USP21: variants seen among roughly 807,000 people sequenced by gnomAD.
The protein encoded by USP21 is ubiquitin specific peptidase 21, also known as ubiquitin carboxyl-terminal hydrolase 21.
A neutral mutation model predicts 70.8 loss-of-function variants in USP21; 37 were observed. The observed-to-expected ratio is 0.52, with a 90% CI of 0.40 to 0.69. The LOEUF is 0.69. Ranked by LOEUF, USP21 falls within the 30% of genes least tolerant of loss-of-function variation. The pLI, the probability that USP21 is intolerant of heterozygous loss-of-function variation, is 0.00. For missense variants in USP21, 584 were observed against 740.8 expected, an observed-to-expected ratio of 0.79 and a Z score of 2.46; for synonymous variants, 263 against 283.1, an observed-to-expected ratio of 0.93 and a Z score of 0.71.
intron 1 of USP21, among the ~76,000 whole-genome samples, chr1:161,160,038 A>G (rs1168979906): frequency 1.3e-5 from 2 of 152,060 alleles, no homozygotes; most frequent in Non-Finnish European, 2.9e-5. Context: ...ATCGTAAGTC[A>G]CCCATATAGT....
Position 161,161,735 on chromosome 1 carries a change from G to A in USP21, c.601-303G>A, listed in dbSNP as rs1165174642. On this transcript the variant is annotated intron_variant, in intron 3 of 13. Coordinates refer to ENST00000368002, the MANE Select transcript of USP21 (RefSeq NM_001014443.3). This position sits in a 1 kb window ranked among gnomAD's most constrained non-coding sequence, Gnocchi z 4.2. ...AGAAAGGTGGGAGTGGTGAGCAGCT[G>A]GGCAACCATGCCGGTGCTGGGGGAG... 2 of 495,872 alleles carry A rather than the reference G, an allele frequency of 4.0e-6. No individual in the cohort carries two copies. Among genetic ancestry groups the A allele is most frequent in the African/African-American group, 1.9e-5 (1 of 51,824 alleles). 30.7% of individuals were successfully genotyped at this position (495,872 alleles called of 1,614,324 possible). A position where few individuals can be genotyped will look rare whatever the true frequency, so the allele number is the denominator to read the frequency against.
chr1:161,163,216 A>G, intron 7 of USP21, 142 bp downstream of exon 7: 1 of 1,094,368 alleles, frequency 9.1e-7, no homozygotes, highest in Non-Finnish European at 1.3e-6. Flanking sequence ...GCAACATAGA[A>G]GTAGAAGGAA....
chr1:161,161,533 C>CTTGCT lies in USP21; in HGVS notation c.600+294_600+295insTGCTT, dbSNP rs1219608117. On this transcript the variant is annotated intron_variant, in intron 3 of 13. Coordinates refer to ENST00000368002, the MANE Select transcript of USP21 (RefSeq NM_001014443.3). The surrounding 1 kb of genome is among the most constrained non-coding windows in gnomAD (Gnocchi z 4.2). ...TTCCTTTCCCTTGCTTGCACCTTCTCTACTGGGACTCTGCCTAGGCCTAAT... is the reference window on the plus strand; with the variant it reads ...TTCCTTTCCCTTGCTTGCACCTTCTCTTGCTTACTGGGACTCTGCCTAGGCCTAAT... 2.3e-6 allele frequency: 1 copy of CTTGCT among 442,210 alleles called. No homozygotes were observed. The highest frequency in any genetic ancestry group is 4.1e-6 in the Non-Finnish European group (1 of 246,778). The allele number at this position is 442,210 out of a possible 1,614,324, so 27.4% of individuals were successfully genotyped here. A position where few individuals can be genotyped will look rare whatever the true frequency, so the allele number is the denominator to read the frequency against.
In USP21 at chr1:161,162,992, C is replaced by T. The variant is rs114213404; in HGVS notation, c.967C>T (p.Arg323Trp). Residue 323 changes from arginine to tryptophan, a missense_variant, in exon 7 of 14, where the codon CGG (arginine) becomes TGG (tryptophan). Arg to Trp is a moderately radical substitution (Grantham distance 101). Around this residue, in one of 4 missense-constraint regions of USP21, gnomAD observed 87 missense variants for 162.4 expected, o/e 0.54. Coordinates refer to ENST00000368002, the MANE Select transcript of USP21 (RefSeq NM_001014443.3). This position sits in a 1 kb window ranked among gnomAD's most constrained non-coding sequence, Gnocchi z 4.1. The part of the protein sequence containing the change: ...LHLEINRRGR[R>W]APPILANGPV... ...CCTTGAAATCAACCGCCGAGGCCGC[C>T]GGGCTCCACCGATACTTGCCAATGG... is the stretch of plus-strand genomic sequence containing the variant. 81 of 1,613,868 alleles carry T rather than the reference C, an allele frequency of 5.0e-5. 1 individual carries two copies. The highest frequency in any genetic ancestry group is 3.3e-5 in the Non-Finnish European group (39 of 1,179,960).
chr1:161,160,884 C>G lies in USP21; in HGVS notation c.244C>G (p.Leu82Val). 6.2e-7 allele frequency: 1 copy of G among 1,614,268 alleles called. No homozygotes were observed. The highest frequency in any genetic ancestry group is 1.3e-5 in the African/African-American group (1 of 75,070). ...RTSGPRPRGPLRADHGVPLPG... is the reference protein window; with the variant it reads ...RTSGPRPRGPVRADHGVPLPG... ...CTCAGGCCCTCGTCCCAGAGGCCCC[C>G]TTCGAGCAGATCATGGGGTTCCCCT... Residue 82 changes from leucine to valine, a missense_variant, in exon 3 of 14, where the codon CTT becomes GTT. Leu to Val is a conservative substitution (Grantham distance 32, BLOSUM62 1). This residue lies in a region of USP21 where 284 missense variants were observed against 281.0 expected (regional missense o/e 1.01). Coordinates refer to ENST00000368002, the MANE Select transcript of USP21 (RefSeq NM_001014443.3).
chr1:161,162,864 A>T lies in USP21; in HGVS notation c.894-55A>T. On this transcript the variant is annotated intron_variant, in intron 6 of 13. Coordinates refer to ENST00000368002, the MANE Select transcript of USP21 (RefSeq NM_001014443.3). This position sits in a 1 kb window ranked among gnomAD's most constrained non-coding sequence, Gnocchi z 4.1. ...GGGGACCAATATCTGGGCAGGGAAT[A>T]GTGTCTGTGGACTAGGAGAGGAGTC... The T allele has an allele frequency of 6.3e-7, 1 of 1,595,888 alleles. No homozygotes were observed. Among genetic ancestry groups the T allele is most frequent in the Non-Finnish European group, 8.6e-7 (1 of 1,167,500 alleles).
chr1:161,161,842 G>C lies in USP21; in HGVS notation c.601-196G>C. 1.6e-6 allele frequency: 1 copy of C among 621,128 alleles called. No homozygotes were observed. Among genetic ancestry groups the C allele is most frequent in the Non-Finnish European group, 2.9e-6 (1 of 344,148 alleles). 38.5% of individuals were successfully genotyped at this position (621,128 alleles called of 1,614,324 possible). A position where few individuals can be genotyped will look rare whatever the true frequency, so the allele number is the denominator to read the frequency against. The stretch of plus-strand genomic sequence containing the variant: ...TGGGACAGCCATGGCTGAGTCCGTG[G>C]TACATTCAGCTGTGATGGGCTTACT... On this transcript the variant is annotated intron_variant, in intron 3 of 13. Coordinates refer to ENST00000368002, the MANE Select transcript of USP21 (RefSeq NM_001014443.3). The surrounding 1 kb of genome is among the most constrained non-coding windows in gnomAD (Gnocchi z 4.2).
chr1:161,165,227 G>C (rs1658515196), intron 13 of USP21, 84 bp downstream of exon 13: 16 of 1,455,754 alleles, frequency 1.1e-5, no homozygotes, highest in South Asian at 6.9e-5. Flanking sequence ...CAGGAGAGCA[G>C]AGTGCCAGGT....
Position 161,160,515 on chromosome 1 carries a change from TG to T in USP21, c.-22+13del. ...GGACAGCAAGATTGTGGGTATGGAA[TG>T]GGGCAAAGCAATAAGGGAAAATTAG... On this transcript the variant is annotated intron_variant, in intron 2 of 13. Coordinates refer to ENST00000368002, the MANE Select transcript of USP21 (RefSeq NM_001014443.3). 1 of 1,210,030 alleles carries T rather than the reference TG, an allele frequency of 8.3e-7. No individual in the cohort carries two copies. The highest frequency in any genetic ancestry group is 1.2e-6 in the Non-Finnish European group (1 of 846,566). 75.0% of individuals were successfully genotyped at this position (1,210,030 alleles called of 1,614,324 possible).
At position 161,164,986 on chromosome 1, in the gene USP21, G is replaced by T; in HGVS notation, c.1493-43G>T. ...GTCCTAAGGAGCCAAAGGAGTGGGG[G>T]CACAGCTCTGATTATAGAACTTGAT... is the stretch of plus-strand genomic sequence containing the variant. On this transcript the variant is annotated intron_variant, in intron 12 of 13. Transcript: ENST00000368002. The surrounding 1 kb of genome is among the most constrained non-coding windows in gnomAD (Gnocchi z 4.2). 1.9e-6 allele frequency: 3 copies of T among 1,612,782 alleles called. No individual in the cohort carries two copies. The highest frequency in any genetic ancestry group is 2.5e-6 in the Non-Finnish European group (3 of 1,178,898).
In USP21 at chr1:161,161,704, G is replaced by A; in HGVS notation, c.601-334G>A. On this transcript the variant is annotated intron_variant, in intron 3 of 13. Transcript: ENST00000368002. The surrounding 1 kb of genome is among the most constrained non-coding windows in gnomAD (Gnocchi z 4.2). Reference sequence around the variant, plus strand: ...GGCCACGGGGGCAGGAGGGGGTTTTGGGGGCAGAAAGGTGGGAGTGGTGAG... The same window carrying A: ...GGCCACGGGGGCAGGAGGGGGTTTTAGGGGCAGAAAGGTGGGAGTGGTGAG... 2.2e-6 allele frequency: 1 copy of A among 449,492 alleles called. No homozygotes were observed. Among genetic ancestry groups the A allele is most frequent in the South Asian group, 3.0e-5 (1 of 33,164 alleles). The allele number at this position is 449,492 out of a possible 1,614,324, so 27.8% of individuals were successfully genotyped here.
rs3813617 is a variant in USP21, at chr1:161,161,784, G to A, written c.601-254G>A. 456 of 534,718 alleles carry A rather than the reference G, an allele frequency of 8.5e-4. 3 individuals are homozygous for A. In the East Asian group the frequency reaches 0.013, roughly 16 times the overall value. 33.1% of individuals were successfully genotyped at this position (534,718 alleles called of 1,614,324 possible). A position where few individuals can be genotyped will look rare whatever the true frequency, so the allele number is the denominator to read the frequency against. On this transcript the variant is annotated intron_variant, in intron 3 of 13. Transcript: ENST00000368002. This position sits in a 1 kb window ranked among gnomAD's most constrained non-coding sequence, Gnocchi z 4.2. Reference sequence around the variant, plus strand: ...AGTTGCCCCAGGAGCTGCAACGTCAGCTAGCTGAGCAGAGGAGTAAGTGGG... The same window carrying A: ...AGTTGCCCCAGGAGCTGCAACGTCAACTAGCTGAGCAGAGGAGTAAGTGGG...
Position 161,162,788 on chromosome 1 carries a change from G to T in USP21, c.893+62G>T. ...CATGTCTGGGGGTAGGGCCAAGCAA[G>T]GGCCCTGGCAGCATTGTTCTGAGCC... is the stretch of plus-strand genomic sequence containing the variant. On this transcript the variant is annotated intron_variant, in intron 6 of 13. Coordinates refer to ENST00000368002, the MANE Select transcript of USP21 (RefSeq NM_001014443.3). The surrounding 1 kb of genome is among the most constrained non-coding windows in gnomAD (Gnocchi z 4.1). 1 of 1,565,580 alleles carries T rather than the reference G, an allele frequency of 6.4e-7. No individual in the cohort carries two copies. The highest frequency in any genetic ancestry group is 1.1e-5 in the South Asian group (1 of 89,934).
chr1:161,160,536 A>G, intron 2 of USP21, 30 bp downstream of exon 2: 1 of 1,365,896 alleles, frequency 7.3e-7, no homozygotes, highest in Non-Finnish European at 1.0e-6. Context: ...AATAAGGGAA[A>G]ATTAGTGTGG....
intron 8 of USP21, 48 bp downstream of exon 8, chr1:161,163,667 G>A (rs774210625): frequency 8.1e-6 from 8 of 986,066 alleles, no homozygotes; most frequent in Non-Finnish European, 1.2e-5. Flanking sequence ...TGTGAGGGGG[G>A]TACAGGCTTG....
chr1:161,163,436 G>A, intron 7 of USP21, 119 bp from the exon 8 acceptor site: 1 of 876,586 alleles, frequency 1.1e-6, no homozygotes, highest in Non-Finnish European at 1.8e-6. Context: ...TGAAATTTAG[G>A]GAAGGAGCAG....
rs1657914412 is a variant in USP21, at chr1:161,161,299, T to C, written c.600+59T>C. 1 of 1,514,142 alleles carries C rather than the reference T, an allele frequency of 6.6e-7. No homozygotes were observed. Among genetic ancestry groups the C allele is most frequent in the Admixed American group, 2.1e-5 (1 of 48,246 alleles). The allele number at this position is 1,514,142 out of a possible 1,614,324, so 93.8% of individuals were successfully genotyped here. A position where few individuals can be genotyped will look rare whatever the true frequency, so the allele number is the denominator to read the frequency against. On this transcript the variant is annotated intron_variant, in intron 3 of 13. Coordinates refer to ENST00000368002, the MANE Select transcript of USP21 (RefSeq NM_001014443.3). The surrounding 1 kb of genome is among the most constrained non-coding windows in gnomAD (Gnocchi z 4.2). Reference sequence around the variant, plus strand: ...CATGTTCCTCTGTGCTTTCCTGCCATCCTCTGCCTTTTCTGTCCCCCATTT... The same window carrying C: ...CATGTTCCTCTGTGCTTTCCTGCCACCCTCTGCCTTTTCTGTCCCCCATTT...
Position 161,161,475 on chromosome 1 carries a change from CTATT to C in USP21, c.600+238_600+241del. On this transcript the variant is annotated intron_variant, in intron 3 of 13. Transcript: ENST00000368002. This position sits in a 1 kb window ranked among gnomAD's most constrained non-coding sequence, Gnocchi z 4.2. Reference sequence around the variant, plus strand: ...TTCGGTCCCCAGGGGATTACCCCAACTATTTAGAATTCTTCTTTGGGTCCCCAGG... The same window carrying C: ...TTCGGTCCCCAGGGGATTACCCCAACTAGAATTCTTCTTTGGGTCCCCAGG... The C allele has an allele frequency of 1.9e-6, 1 of 525,848 alleles. No homozygotes were observed. The highest frequency in any genetic ancestry group is 3.3e-6 in the Non-Finnish European group (1 of 300,294). The allele number at this position is 525,848 out of a possible 1,614,324, so 32.6% of individuals were successfully genotyped here. A position where few individuals can be genotyped will look rare whatever the true frequency, so the allele number is the denominator to read the frequency against.
intron 7 of USP21, 58 bp from the exon 8 acceptor site, chr1:161,163,497 G>A: frequency 6.5e-7 from 1 of 1,528,560 alleles, no homozygotes; most frequent in Non-Finnish European, 9.1e-7. Context: ...GGGTGTTGGG[G>A]GTGCCCAGTG....
Sources: allele counts gnomAD v4.1 joint callset (sites outside exome capture counted in the v4.1 genomes callset), GRCh38; gene constraint gnomAD v4.1.1; regional missense constraint gnomAD v4.1.1; non-coding constraint Gnocchi (gnomAD v3.1); transcripts MANE v1.5; gene names NCBI Gene and HGNC (gene_info 2026-07-23, HGNC 2026-07-21).